HIP1: variants seen among roughly 807,000 people sequenced by gnomAD.
The protein encoded by HIP1 is huntingtin interacting protein 1.
A neutral mutation model predicts 147.6 loss-of-function variants in HIP1; 65 were observed. The observed-to-expected ratio is 0.44, with a 90% confidence interval of 0.36 to 0.54. HIP1 has a LOEUF of 0.54. HIP1 is among the 20% of genes least tolerant of loss of function. The probability of loss-of-function intolerance (pLI) is 0.00; values close to 1 mark genes in which losing one functional copy is unlikely to be tolerated. For missense variants in HIP1, 1,061 were observed against 1,299.6 expected, an observed-to-expected ratio of 0.82 and a Z score of 2.82; for synonymous variants, 479 against 504.0, an observed-to-expected ratio of 0.95 and a Z score of 0.67.
At chr7:75,573,133 G>A (rs1448387146) in intron 8 of HIP1, among the ~76,000 whole-genome samples, 12 of 152,172 alleles carry the variant, frequency 7.9e-5, no homozygotes, top group African/African-American at 2.7e-4. Flanking sequence ...ACCAATCGTG[G>A]TGCATTTCCT....
intron 1 of HIP1, among the ~76,000 whole-genome samples, chr7:75,651,981 C>T (rs938431417): frequency 6.7e-6 from 1 of 150,004 alleles, no homozygotes; most frequent in Admixed American, 6.7e-5. Context: ...TGCACTGCAG[C>T]CTGGGCGACA....
chr7:75,549,082 G>T, intron 22 of HIP1, 81 bp from the exon 23 acceptor site: 7 of 1,052,132 alleles, frequency 6.7e-6, no homozygotes, highest in Non-Finnish European at 1.0e-5. Context: ...CTTACAAGAT[G>T]GCAAGGCAGG....
At chr7:75,557,221 T>C (rs1160842256) in intron 16 of HIP1, among the ~76,000 whole-genome samples, 2 of 151,812 alleles carry the variant, frequency 1.3e-5, no homozygotes, top group African/African-American at 4.8e-5. Context: ...GTATTTTTAG[T>C]AGAGATGGGG....
intron 1 of HIP1, among the ~76,000 whole-genome samples, chr7:75,731,614 A>C (rs1801840795): frequency 6.6e-6 from 1 of 152,046 alleles, no homozygotes; most frequent in East Asian, 1.9e-4. Flanking sequence ...CACCTGCTCC[A>C]GAAGCAGAAG....
intron 15 of HIP1, 147 bp from the exon 16 acceptor site, chr7:75,557,917 C>T: frequency 1.5e-6 from 1 of 681,258 alleles, no homozygotes; most frequent in East Asian, 2.6e-5. Context: ...GAGCCATCAC[C>T]TTCAGATGCT....
intron 13 of HIP1, among the ~76,000 whole-genome samples, chr7:75,560,749 C>T (rs1429563164): frequency 2.6e-5 from 4 of 152,074 alleles, no homozygotes; most frequent in Non-Finnish European, 5.9e-5. Context: ...TTGGATTTAG[C>T]ATTTCTACCA....
At chr7:75,610,251 C>T (rs2117052684) in intron 1 of HIP1, among the ~76,000 whole-genome samples, 1 of 150,272 alleles carries the variant, frequency 6.7e-6, no homozygotes, top group African/African-American at 2.5e-5. Context: ...TTCTGTCACC[C>T]AGGCTGGTGT....
rs782539520 is a variant in HIP1 at position 75,539,451 on chromosome 7, G to C, written c.2953-20C>G. 1.9e-6 allele frequency: 3 copies of C among 1,569,788 alleles called. No homozygotes were observed. Among genetic ancestry groups the C allele is most frequent in the South Asian group, 2.2e-5 (2 of 89,882 alleles). Reference sequence around the variant, plus strand: ...CCTAACCTGTAAGGGAAATTAAGTGGGATTTTCTCTTAATCATCTCTCAGA... The same window carrying C: ...CCTAACCTGTAAGGGAAATTAAGTGCGATTTTCTCTTAATCATCTCTCAGA... On this transcript the variant is annotated intron_variant, in intron 29 of 30. Transcript: ENST00000336926.
At chr7:75,571,776 A>G (rs1554496671) in intron 8 of HIP1, among the ~76,000 whole-genome samples, 1 of 151,840 alleles carries the variant, frequency 6.6e-6, no homozygotes, top group African/African-American at 2.4e-5. Context: ...ACAGACAGGG[A>G]TTTCACTATG....
intron 22 of HIP1, 108 bp from the exon 23 acceptor site, chr7:75,549,109 A>C (rs1584781172): frequency 2.6e-5 from 19 of 744,532 alleles, no homozygotes; most frequent in East Asian, 1.0e-4. Flanking sequence ...CCCAGCAAAC[A>C]CCTTCTGCAA....
At chr7:75,620,747 T>C (rs1397491503) in intron 1 of HIP1, among the ~76,000 whole-genome samples, 2 of 151,912 alleles carry the variant, frequency 1.3e-5, no homozygotes, top group East Asian at 3.9e-4. Flanking sequence ...GGAACAGAGA[T>C]GACGATCTCT....
At chr7:75,554,893 C>T (rs1437487638) in intron 19 of HIP1, among the ~76,000 whole-genome samples, 3 of 151,742 alleles carry the variant, frequency 2.0e-5, no homozygotes, top group Non-Finnish European at 2.9e-5. Context: ...AGTGAGACCT[C>T]GTCTCTACCA....
In HIP1 at chr7:75,592,085, T is replaced by C. The variant is rs1376203707; in HGVS notation, c.355A>G (p.Asn119Asp). ...ATCCTGCTCATGTCACTCAATTCAT[T>C]TCTGTATCTCAGAGAGTCCTTCAGG... ...NVLKDSLRYR[N>D]ELSDMSRMWG... Residue 119 changes from asparagine (N) to aspartate (D), a missense_variant, in exon 4 of 31, where the codon AAT (asparagine) becomes GAT (aspartate). Asn to Asp is a conservative substitution (Grantham distance 23, BLOSUM62 1). Transcript: ENST00000336926. 6.2e-7 allele frequency: 1 copy of C among 1,614,116 alleles called. No individual in the cohort carries two copies. The highest frequency in any genetic ancestry group is 8.5e-7 in the Non-Finnish European group (1 of 1,179,974).
chr7:75,718,834 A>T (rs1801401711), intron 1 of HIP1, among the ~76,000 whole-genome samples: 1 of 152,304 alleles, frequency 6.6e-6, no homozygotes, highest in Admixed American at 6.5e-5. Context: ...GACATTTCCC[A>T]GTAATTCTTT....
intron 1 of HIP1, among the ~76,000 whole-genome samples, chr7:75,633,711 C>T (rs1298225289): frequency 6.6e-6 from 1 of 152,158 alleles, no homozygotes; most frequent in Non-Finnish European, 1.5e-5. Context: ...TCATTTTGCA[C>T]AGCGATCTCT....
intron 1 of HIP1, among the ~76,000 whole-genome samples, chr7:75,666,933 G>A (rs1466340700): frequency 1.3e-5 from 2 of 152,020 alleles, no homozygotes; most frequent in Non-Finnish European, 2.9e-5. Flanking sequence ...AGCAGGACAC[G>A]AAACCATTTA....
rs1795242833 is a variant in HIP1 at position 75,561,955 on chromosome 7, T to A, written c.1118+118A>T. 12 of 681,288 alleles carry A rather than the reference T, an allele frequency of 1.8e-5. No homozygotes were observed. The South Asian group carries it at 2.1e-4, about 12-fold the overall frequency. The allele number at this position is 681,288 out of a possible 1,614,324, so 42.2% of individuals were successfully genotyped here. ...AGCCATTGCCCCCAACCCTTCAAGA[T>A]GTTCTGTATCTAAGAAGCCCCAGTA... On this transcript the variant is annotated intron_variant, in intron 12 of 30. Transcript: ENST00000336926.
At chr7:75,570,596 T>C (rs1795591554) in intron 8 of HIP1, among the ~76,000 whole-genome samples, 1 of 151,906 alleles carries the variant, frequency 6.6e-6, no homozygotes, top group Non-Finnish European at 1.5e-5. Flanking sequence ...CGGCCAGTTG[T>C]GGCAAATGTT....
At chr7:75,644,608 A>T (rs1235267911) in intron 1 of HIP1, among the ~76,000 whole-genome samples, 1 of 152,138 alleles carries the variant, frequency 6.6e-6, no homozygotes, top group Non-Finnish European at 1.5e-5. Flanking sequence ...ATAATTTTTT[A>T]AAAGATTAAA....
Sources: allele counts gnomAD v4.1 joint callset (sites outside exome capture counted in the v4.1 genomes callset), GRCh38; gene constraint gnomAD v4.1.1; transcripts MANE v1.5; gene names NCBI Gene and HGNC (gene_info 2026-07-23, HGNC 2026-07-21).